TMEM39A: variants seen among roughly 807,000 people sequenced by gnomAD.
TMEM39A encodes the protein suppressor of SQST-1 aggregates in rpl-43 mutants.
A neutral mutation model predicts 51.9 loss-of-function variants in TMEM39A; 19 were observed. The ratio of observed to expected loss-of-function variants is 0.37; its 90% CI spans 0.26 to 0.54. The LOEUF is 0.54. TMEM39A is among the 20% of genes least tolerant of loss of function. TMEM39A has a pLI of 0.88. For synonymous variants in TMEM39A, 197 were observed against 220.2 expected, an observed-to-expected ratio of 0.89 and a Z score of 0.93; for missense variants, 433 against 590.5, an observed-to-expected ratio of 0.73 and a Z score of 2.76.
chr3:119,457,525 G>A (rs1291644645), intron 3 of TMEM39A, among the ~76,000 whole-genome samples: 2 of 152,154 alleles, frequency 1.3e-5, no homozygotes, highest in Non-Finnish European at 2.9e-5. Flanking sequence ...CCTTCTGGCT[G>A]ACAGGGATGG....
At chr3:119,456,433 C>G (rs1041569775) in intron 3 of TMEM39A, among the ~76,000 whole-genome samples, 1 of 152,168 alleles carries the variant, frequency 6.6e-6, no homozygotes, top group Non-Finnish European at 1.5e-5. Context: ...CCAAATGATA[C>G]AAATATTTAA....
chr3:119,459,993 T>TCA (rs2081317504), intron 2 of TMEM39A, among the ~76,000 whole-genome samples: 2 of 152,124 alleles, frequency 1.3e-5, no homozygotes, highest in African/African-American at 2.4e-5. Context: ...CCCAGGTCTT[T>TCA]TATAACAAAT....
At chr3:119,438,692 G>A (rs2081009253) in intron 5 of TMEM39A, among the ~76,000 whole-genome samples, 1 of 152,156 alleles carries the variant, frequency 6.6e-6, no homozygotes, top group African/African-American at 2.4e-5. Flanking sequence ...ATAACAATGT[G>A]ATAAGGATTT....
rs1162526433 is a variant in TMEM39A, at chr3:119,463,594, A to C, written c.-333T>G. On this transcript the variant is annotated 5_prime_UTR_variant, in exon 1 of 9. Coordinates refer to ENST00000319172, the MANE Select transcript of TMEM39A (RefSeq NM_018266.3). Reference sequence around the variant, plus strand: ...GCCTGATACTTCAGCACCCATCCCTAGCCTCCATTACCGCGGAGCTGAGCA... The same window carrying C: ...GCCTGATACTTCAGCACCCATCCCTCGCCTCCATTACCGCGGAGCTGAGCA... The C allele has an allele frequency of 2.5e-6, 1 of 398,624 alleles. No homozygotes were observed. Among genetic ancestry groups the C allele is most frequent in the Non-Finnish European group, 4.4e-6 (1 of 226,148 alleles). The allele number at this position is 398,624 out of a possible 1,614,324, so 24.7% of individuals were successfully genotyped here.
chr3:119,449,735 T>C (rs2081174522), intron 4 of TMEM39A, among the ~76,000 whole-genome samples: 1 of 152,196 alleles, frequency 6.6e-6, no homozygotes, highest in African/African-American at 2.4e-5. Context: ...ATATACTATT[T>C]TCCTAGAAAA....
At chr3:119,443,323 A>G (rs1427177569) in intron 5 of TMEM39A, among the ~76,000 whole-genome samples, 2 of 152,202 alleles carry the variant, frequency 1.3e-5, no homozygotes, top group African/African-American at 2.4e-5. Flanking sequence ...TGTGGGTAAA[A>G]TATTATCTAT....
In TMEM39A at chr3:119,461,295, A is replaced by G. The variant is rs2081334057; in HGVS notation, c.113+667T>C. ...GTGGAAGAGGGATTGGAAAGTCAGGAAAAAAAAAGGACAAAGGTCAGGCCT... is the reference window on the plus strand; with the variant it reads ...GTGGAAGAGGGATTGGAAAGTCAGGGAAAAAAAAGGACAAAGGTCAGGCCT... On this transcript the variant is annotated intron_variant, in intron 2 of 8. Transcript: ENST00000319172. 3.3e-5 allele frequency among the ~76,000 whole-genome samples: 5 copies of G among 151,456 alleles called. No individual in the cohort carries two copies. The South Asian group carries it at 6.3e-4, about 19-fold the overall frequency.
intron 1 of TMEM39A, among the ~76,000 whole-genome samples, chr3:119,462,757 C>T (rs1407152222): frequency 2.0e-5 from 3 of 150,378 alleles, no homozygotes; most frequent in Non-Finnish European, 4.4e-5. Context: ...CGAGTGGTAT[C>T]TCTATATGTT....
chr3:119,445,926 T>C (rs2081118750), intron 5 of TMEM39A, among the ~76,000 whole-genome samples: 1 of 152,218 alleles, frequency 6.6e-6, no homozygotes, highest in South Asian at 2.1e-4. Context: ...GAATATGGCA[T>C]AGAGTAGACC....
rs990462749 is a variant in TMEM39A, at chr3:119,430,401, AATGTT to A, written c.*1575_*1579del. On this transcript the variant is annotated 3_prime_UTR_variant, in exon 9 of 9. Transcript: ENST00000319172. ...GCTACACTTATCACTACTACCAGGG[AATGTT>A]ATATTACACATAAATTTATTTGCTG... The A allele has an allele frequency of 6.6e-6, 1 of 152,068 alleles. No individual in the cohort carries two copies. The highest frequency in any genetic ancestry group is 2.4e-5 in the African/African-American group (1 of 41,394). The allele number at this position is 152,068 out of a possible 1,614,324, so 9.4% of individuals were successfully genotyped here. A position where few individuals can be genotyped will look rare whatever the true frequency, so the allele number is the denominator to read the frequency against.
In TMEM39A at chr3:119,431,976, G is replaced by A. The variant is rs371203955; in HGVS notation, c.*5C>T. The A allele has an allele frequency of 2.4e-5, 38 of 1,554,230 alleles. No homozygotes were observed. The East Asian group carries it at 4.8e-4, about 20-fold the overall frequency. ...CTGAGTTCTCCCTCATTGTTGAGAG[G>A]CAGCTTAGTTTGCCTTGAGTTCATA... On this transcript the variant is annotated 3_prime_UTR_variant, in exon 9 of 9. Coordinates refer to ENST00000319172, the MANE Select transcript of TMEM39A (RefSeq NM_018266.3).
intron 4 of TMEM39A, among the ~76,000 whole-genome samples, chr3:119,450,422 C>T (rs1560017138): frequency 6.6e-6 from 1 of 152,190 alleles, no homozygotes; most frequent in East Asian, 1.9e-4. Context: ...TGTAGATGTA[C>T]CAAAATTATT....
At chr3:119,461,423 C>A (rs2081335718) in intron 2 of TMEM39A, among the ~76,000 whole-genome samples, 1 of 152,118 alleles carries the variant, frequency 6.6e-6, no homozygotes, top group Non-Finnish European at 1.5e-5. Flanking sequence ...AAACTTTTTT[C>A]AGGGAGGAAG....
Position 119,452,432 on chromosome 3 carries a change from T to G in TMEM39A, c.420+15A>C. 6.2e-7 allele frequency: 1 copy of G among 1,605,992 alleles called. No homozygotes were observed. Among genetic ancestry groups the G allele is most frequent in the South Asian group, 1.1e-5 (1 of 90,772 alleles). On this transcript the variant is annotated intron_variant, in intron 4 of 8. Coordinates refer to ENST00000319172, the MANE Select transcript of TMEM39A (RefSeq NM_018266.3). ...TCTAGCTACATGTGATAGAATATAG[T>G]CAATGAACTGTTACCTCTGAGATGA...
Position 119,463,586 on chromosome 3 carries a change from C to T in TMEM39A, c.-325G>A. 2.5e-6 allele frequency: 1 copy of T among 398,782 alleles called. No individual in the cohort carries two copies. The highest frequency in any genetic ancestry group is 4.4e-6 in the Non-Finnish European group (1 of 226,160). The allele number at this position is 398,782 out of a possible 1,614,324, so 24.7% of individuals were successfully genotyped here. A position where few individuals can be genotyped will look rare whatever the true frequency, so the allele number is the denominator to read the frequency against. ...GAGCCAGAGCCTGATACTTCAGCAC[C>T]CATCCCTAGCCTCCATTACCGCGGA... On this transcript the variant is annotated 5_prime_UTR_variant, in exon 1 of 9. Coordinates refer to ENST00000319172, the MANE Select transcript of TMEM39A (RefSeq NM_018266.3).
In TMEM39A at chr3:119,429,909, G is replaced by A. The variant is rs1449526199; in HGVS notation, c.*2072C>T. 1 of 152,094 alleles carries A rather than the reference G, an allele frequency of 6.6e-6. No individual in the cohort carries two copies. 9.4% of individuals were successfully genotyped at this position (152,094 alleles called of 1,614,324 possible). Reference sequence around the variant, plus strand: ...GGCATCATATTAGTTCATAAGACTGGTCTGTTATCTCTAATCAGGGTTTTC... The same window carrying A: ...GGCATCATATTAGTTCATAAGACTGATCTGTTATCTCTAATCAGGGTTTTC... On this transcript the variant is annotated 3_prime_UTR_variant, in exon 9 of 9. Coordinates refer to ENST00000319172, the MANE Select transcript of TMEM39A (RefSeq NM_018266.3).
At position 119,438,016 on chromosome 3, in the gene TMEM39A, G is replaced by A. The variant is rs778745477; in HGVS notation, c.663C>T (p.His221=). The A allele has an allele frequency of 7.4e-6, 12 of 1,613,922 alleles. No homozygotes were observed. The highest frequency in any genetic ancestry group is 1.1e-5 in the South Asian group (1 of 91,082). The part of the protein sequence containing the change: ...LLTDYNYVVQ[H]EAVEESASTV... ...TCGAGGCACTTTCCTCTACTGCCTC[G>A]TGCTGAACCACATAGTTGTAGTCTG... is the stretch of plus-strand genomic sequence containing the variant. The change falls in exon 6 of 9, where the codon CAC becomes CAT. Residue 221 remains histidine, a synonymous_variant. Coordinates refer to ENST00000319172, the MANE Select transcript of TMEM39A (RefSeq NM_018266.3).
intron 3 of TMEM39A, among the ~76,000 whole-genome samples, chr3:119,455,232 CTTCAGTGA>C (rs2081249307): frequency 6.6e-6 from 1 of 152,164 alleles, no homozygotes. Context: ...ACTTCAATAC[CTTCAGTGA>C]TGGGAAATAA....
chr3:119,429,051 G>C lies in TMEM39A; in HGVS notation c.*2930C>G, dbSNP rs1465879007. Among the ~76,000 whole-genome samples, 1 of 151,972 alleles carries C rather than the reference G, an allele frequency of 6.6e-6. No homozygotes were observed. Among genetic ancestry groups the C allele is most frequent in the East Asian group, 1.9e-4 (1 of 5,188 alleles). Reference sequence around the variant, plus strand: ...GTATCTCATACATATTTCTGTTAATGAACACCCTAGTGTGACAACTGGTTT... The same window carrying C: ...GTATCTCATACATATTTCTGTTAATCAACACCCTAGTGTGACAACTGGTTT... On this transcript the variant is annotated 3_prime_UTR_variant, in exon 9 of 9. Transcript: ENST00000319172.
Sources: allele counts gnomAD v4.1 joint callset (sites outside exome capture counted in the v4.1 genomes callset), GRCh38; gene constraint gnomAD v4.1.1; transcripts MANE v1.5; gene names NCBI Gene and HGNC (gene_info 2026-07-23, HGNC 2026-07-21).